RNF220: variants seen among roughly 807,000 people sequenced by gnomAD.
RNF220 encodes ring finger protein 220.
Under a neutral mutation model 67.1 loss-of-function variants are expected in RNF220, and 7 were observed. The observed-to-expected ratio is 0.10, with a 90% CI of 0.06 to 0.20. RNF220 has a LOEUF of 0.20. Ranked by LOEUF, RNF220 falls within the 10% of genes least tolerant of loss-of-function variation. The pLI is 1.00. For synonymous variants in RNF220, 270 were observed against 283.2 expected, an observed-to-expected ratio of 0.95 and a Z score of 0.47; for missense variants, 565 against 740.3, an observed-to-expected ratio of 0.76 and a Z score of 2.75.
chr1:44,425,968 C>T (rs539003471), intron 2 of RNF220, among the ~76,000 whole-genome samples: 12 of 152,218 alleles, frequency 7.9e-5, no homozygotes, highest in Admixed American at 5.2e-4. Flanking sequence ...TGAGACCGAC[C>T]GCAGCACTAT....
chr1:44,626,462 G>A, intron 5 of RNF220, 64 bp downstream of exon 5: 1 of 1,290,052 alleles, frequency 7.8e-7, no homozygotes, highest in South Asian at 1.2e-5. Flanking sequence ...TCAAGAGCCT[G>A]CCCGGTGCTA....
chr1:44,621,613 T>C lies in RNF220; in HGVS notation c.759-1129T>C, dbSNP rs986696122. ...TCCCCCACTGAGAGTCACTGCTGCA[T>C]CTGAATCTGCCTGTGCTTTTGCTGG... On this transcript the variant is annotated intron_variant, in intron 3 of 14. Transcript: ENST00000361799. The surrounding 1 kb of genome is among the most constrained non-coding windows in gnomAD (Gnocchi z 4.8). Among the ~76,000 whole-genome samples the C allele has an allele frequency of 6.6e-6, 1 of 152,166 alleles. No individual in the cohort carries two copies. The highest frequency in any genetic ancestry group is 2.4e-5 in the African/African-American group (1 of 41,420).
chr1:44,420,959 C>T (rs1442979410), intron 2 of RNF220, among the ~76,000 whole-genome samples: 2 of 152,184 alleles, frequency 1.3e-5, no homozygotes, highest in African/African-American at 4.8e-5. Flanking sequence ...TAACAACTAG[C>T]AATGTATGTA....
chr1:44,463,526 G>C (rs1220530292), intron 2 of RNF220, among the ~76,000 whole-genome samples: 2 of 150,978 alleles, frequency 1.3e-5, no homozygotes, highest in African/African-American at 4.9e-5. Context: ...TTTTATATTT[G>C]TAATTTTGTT....
intron 2 of RNF220, among the ~76,000 whole-genome samples, chr1:44,548,024 G>T (rs991781974): frequency 6.6e-6 from 1 of 151,880 alleles, no homozygotes; most frequent in Non-Finnish European, 1.5e-5. Flanking sequence ...TCTCTACCAC[G>T]AACAGTACCG....
chr1:44,597,478 A>G (rs1164052713), intron 2 of RNF220, among the ~76,000 whole-genome samples: 3 of 37,022 alleles, frequency 8.1e-5, no homozygotes, highest in Non-Finnish European at 2.0e-4. Flanking sequence ...GCACACACAC[A>G]CACACACACA....
chr1:44,603,264 T>G (rs1235461397), intron 2 of RNF220, among the ~76,000 whole-genome samples: 1 of 152,222 alleles, frequency 6.6e-6, no homozygotes, highest in Non-Finnish European at 1.5e-5. Flanking sequence ...CTGTTTACTG[T>G]CTCGCCTTTG....
intron 2 of RNF220, among the ~76,000 whole-genome samples, chr1:44,508,422 G>C (rs1211806337): frequency 6.6e-6 from 1 of 152,156 alleles, no homozygotes; most frequent in African/African-American, 2.4e-5. Flanking sequence ...TCCCTCAAAG[G>C]CTGCCCCTTT....
At chr1:44,500,398 C>T (rs1343458758) in intron 2 of RNF220, among the ~76,000 whole-genome samples, 2 of 152,186 alleles carry the variant, frequency 1.3e-5, no homozygotes, top group African/African-American at 4.8e-5. Flanking sequence ...CCCGCTGCCA[C>T]CCGCATCTCA....
chr1:44,635,452 C>A, intron 6 of RNF220, 93 bp from the exon 7 acceptor site: 2 of 1,535,398 alleles, frequency 1.3e-6, no homozygotes, highest in Non-Finnish European at 8.8e-7. Context: ...CAATGGCTGG[C>A]AAGAGGTCAG....
intron 2 of RNF220, among the ~76,000 whole-genome samples, chr1:44,520,159 G>A (rs762829464): frequency 1.0e-4 from 15 of 150,354 alleles, no homozygotes; most frequent in Non-Finnish European, 1.0e-4. Context: ...GAGAGAGATT[G>A]TAAGAAACTA....
rs773149263 is a variant in RNF220 at position 44,645,189 on chromosome 1, T to C, written c.1311-32T>C. 1.9e-6 allele frequency: 3 copies of C among 1,614,048 alleles called. No homozygotes were observed. The highest frequency in any genetic ancestry group is 2.5e-6 in the Non-Finnish European group (3 of 1,179,970). On this transcript the variant is annotated intron_variant, in intron 10 of 14. Coordinates refer to ENST00000361799, the MANE Select transcript of RNF220 (RefSeq NM_018150.4). The surrounding 1 kb of genome is among the most constrained non-coding windows in gnomAD (Gnocchi z 5.0). ...GGGCTGTCCTGCCCGCCTTCAGGCCTCACTTTGTTTTTCCTCCCTCCTTTC... is the reference window on the plus strand; with the variant it reads ...GGGCTGTCCTGCCCGCCTTCAGGCCCCACTTTGTTTTTCCTCCCTCCTTTC...
intron 2 of RNF220, among the ~76,000 whole-genome samples, chr1:44,475,474 G>A (rs146352987): frequency 0.013 from 1,962 of 150,832 alleles, 38 homozygotes; most frequent in African/African-American, 0.046. Context: ...GGAGGCTGAG[G>A]CAGGAGAATC....
chr1:44,408,548 A>G (rs1647635671), intron 1 of RNF220, among the ~76,000 whole-genome samples: 1 of 152,026 alleles, frequency 6.6e-6, no homozygotes, highest in Non-Finnish European at 1.5e-5. Context: ...ACAACCCCCC[A>G]CTACTCTGCC....
chr1:44,650,776 G>A lies in RNF220; in HGVS notation c.*1G>A, dbSNP rs1437333928. ...AGACCTGCGGAGGATCTACTTGTGA[G>A]CTATCTGCCCCAGGCAGGCCTCGCC... On this transcript the variant is annotated 3_prime_UTR_variant, in exon 15 of 15. Coordinates refer to ENST00000361799, the MANE Select transcript of RNF220 (RefSeq NM_018150.4). This position sits in a 1 kb window ranked among gnomAD's most constrained non-coding sequence, Gnocchi z 4.3. 20 of 1,613,384 alleles carry A rather than the reference G, an allele frequency of 1.2e-5. No homozygotes were observed. Among genetic ancestry groups the A allele is most frequent in the Middle Eastern group, 1.6e-4 (1 of 6,062 alleles).
intron 2 of RNF220, among the ~76,000 whole-genome samples, chr1:44,486,713 G>A (rs1377451260): frequency 6.6e-6 from 1 of 152,184 alleles, no homozygotes; most frequent in Non-Finnish European, 1.5e-5. Context: ...GGAAGCCATG[G>A]AGCTTCATGG....
intron 2 of RNF220, among the ~76,000 whole-genome samples, chr1:44,446,513 G>C (rs1652102371): frequency 6.6e-6 from 1 of 151,704 alleles, no homozygotes; most frequent in Non-Finnish European, 1.5e-5. Context: ...TTTCAGCTAA[G>C]ACTGTCTTTG....
At chr1:44,540,788 C>A (rs931372812) in intron 2 of RNF220, among the ~76,000 whole-genome samples, 1 of 151,194 alleles carries the variant, frequency 6.6e-6, no homozygotes, top group Non-Finnish European at 1.5e-5. Flanking sequence ...CCAGCCACGC[C>A]AGTGTCTCTG....
At chr1:44,488,587 T>G (rs1656555325) in intron 2 of RNF220, among the ~76,000 whole-genome samples, 1 of 152,190 alleles carries the variant, frequency 6.6e-6, no homozygotes, top group Non-Finnish European at 1.5e-5. Context: ...AGTGCTGAGA[T>G]TGCAGGCGTG....
Sources: allele counts gnomAD v4.1 joint callset (sites outside exome capture counted in the v4.1 genomes callset), GRCh38; gene constraint gnomAD v4.1.1; non-coding constraint Gnocchi (gnomAD v3.1); transcripts MANE v1.5; gene names NCBI Gene and HGNC (gene_info 2026-07-23, HGNC 2026-07-21).